FRMD3: variants seen among roughly 807,000 people sequenced by gnomAD.
FRMD3 encodes FERM domain containing 3.
A neutral mutation model predicts 70.2 loss-of-function variants in FRMD3; 33 were observed. The observed-to-expected ratio is 0.47, with a 90% CI of 0.36 to 0.63. The LOEUF (loss-of-function observed/expected upper bound fraction) is 0.63, where lower values mean the gene tolerates loss of function less well. Ranked by LOEUF, FRMD3 falls within the 20% of genes least tolerant of loss-of-function variation. The pLI, the probability that FRMD3 is intolerant of heterozygous loss-of-function variation, is 0.00. For synonymous variants in FRMD3, 279 were observed against 255.9 expected (o/e 1.09, Z -0.86); for missense variants, 632 against 711.4 (o/e 0.89, Z 1.27).
chr9:83,519,585 G>GCA, intron 1 of FRMD3, among the ~76,000 whole-genome samples: 1 of 152,192 alleles, frequency 6.6e-6, no homozygotes, highest in African/African-American at 2.4e-5. Flanking sequence ...ACAGTGTGAT[G>GCA]ATTCCTCAAG....
intron 1 of FRMD3, among the ~76,000 whole-genome samples, chr9:83,515,388 T>C (rs1385624085): frequency 6.6e-6 from 1 of 152,092 alleles, no homozygotes; most frequent in Admixed American, 6.5e-5. Flanking sequence ...AAGATCAATT[T>C]AATGAAATAA....
At chr9:83,531,625 C>T (rs1829793623) in intron 1 of FRMD3, among the ~76,000 whole-genome samples, 1 of 152,176 alleles carries the variant, frequency 6.6e-6, no homozygotes, top group South Asian at 2.1e-4. Flanking sequence ...TCCTTACTAG[C>T]AGAAAACTGT....
chr9:83,277,800 C>T (rs1833840678), intron 13 of FRMD3, among the ~76,000 whole-genome samples: 1 of 152,176 alleles, frequency 6.6e-6, no homozygotes, highest in Non-Finnish European at 1.5e-5. Context: ...CATTTAGAAT[C>T]CATACATTCA....
At chr9:83,301,544 A>G (rs1834929346) in intron 10 of FRMD3, among the ~76,000 whole-genome samples, 1 of 148,530 alleles carries the variant, frequency 6.7e-6, no homozygotes, top group African/African-American at 2.5e-5. Context: ...AAAAAGATTG[A>G]GTTTCTTAAT....
downstream of FRMD3, chr9:83,243,193 T>G: frequency 6.5e-7 from 1 of 1,550,232 alleles, no homozygotes; most frequent in East Asian, 2.4e-5. Context: ...CAGGTTCTGC[T>G]GGGTCTGTTT....
chr9:83,532,108 T>G (rs573013412), intron 1 of FRMD3, among the ~76,000 whole-genome samples: 45 of 152,336 alleles, frequency 3.0e-4, no homozygotes, highest in Non-Finnish European at 1.0e-4. Flanking sequence ...CATATAATCC[T>G]TATTTAATCC....
chr9:83,367,806 G>C (rs1304675255), intron 3 of FRMD3, among the ~76,000 whole-genome samples: 2 of 152,172 alleles, frequency 1.3e-5, no homozygotes, highest in Non-Finnish European at 2.9e-5. Flanking sequence ...TTGAGGAAGA[G>C]ATCTATTTCA....
At position 83,458,621 on chromosome 9, in the gene FRMD3, C is replaced by T. The variant is rs560741935; in HGVS notation, c.148-68913G>A. 4.6e-5 allele frequency among the ~76,000 whole-genome samples: 7 copies of T among 152,292 alleles called. No individual in the cohort carries two copies. The South Asian group carries it at 6.2e-4, about 14-fold the overall frequency. On this transcript the variant is annotated intron_variant, in intron 1 of 13. Coordinates refer to ENST00000304195, the MANE Select transcript of FRMD3 (RefSeq NM_174938.6). ...CATCAGCTACAAAGCCTGTGACAGG[C>T]GGACTGGTCCTAAGGATGCCCTGCA...
chr9:83,374,754 T>C (rs1160649990), intron 2 of FRMD3, among the ~76,000 whole-genome samples: 5 of 152,206 alleles, frequency 3.3e-5, no homozygotes, highest in Non-Finnish European at 1.5e-5. Flanking sequence ...TTCTTATTAT[T>C]TAATAGGTAC....
At chr9:83,282,351 C>T (rs1013101335) in intron 13 of FRMD3, among the ~76,000 whole-genome samples, 3 of 152,148 alleles carry the variant, frequency 2.0e-5, no homozygotes, top group Non-Finnish European at 4.4e-5. Flanking sequence ...CTTTTATCAT[C>T]GTCTAAAACG....
At chr9:83,265,212 A>T (rs4418413) in intron 13 of FRMD3, among the ~76,000 whole-genome samples, 81,044 of 151,552 alleles carry the variant, frequency 0.53, 23,997 homozygotes, top group South Asian at 0.79. Flanking sequence ...CATCCTGGCT[A>T]ACACGGTGAA....
At chr9:83,529,500 C>G (rs140311206) in intron 1 of FRMD3, among the ~76,000 whole-genome samples, 1 of 152,124 alleles carries the variant, frequency 6.6e-6, no homozygotes, top group Non-Finnish European at 1.5e-5. Flanking sequence ...AACTATGTAT[C>G]AATTTTAAAA....
chr9:83,353,288 AG>A (rs35834224), intron 3 of FRMD3, among the ~76,000 whole-genome samples: 6 of 123,574 alleles, frequency 4.9e-5, no homozygotes, highest in Admixed American at 2.7e-4. Flanking sequence ...GGGGTGGGGG[AG>A]GGGGGGCACT....
chr9:83,420,594 CA>C (rs1188921357), intron 1 of FRMD3, among the ~76,000 whole-genome samples: 2 of 152,082 alleles, frequency 1.3e-5, no homozygotes, highest in Non-Finnish European at 2.9e-5. Flanking sequence ...TTTTTATTAT[CA>C]TTGATATGGT....
intron 1 of FRMD3, among the ~76,000 whole-genome samples, chr9:83,460,697 C>T (rs1827944161): frequency 6.6e-6 from 1 of 152,022 alleles, no homozygotes; most frequent in Non-Finnish European, 1.5e-5. Flanking sequence ...GTCAAATATA[C>T]CAAAAAGGTA....
At chr9:83,288,848 T>C (rs1834314762) in intron 13 of FRMD3, among the ~76,000 whole-genome samples, 1 of 152,206 alleles carries the variant, frequency 6.6e-6, no homozygotes. Context: ...ATGAAGAGTA[T>C]GGAAGAAAGT....
At chr9:83,443,312 C>G (rs1827358524) in intron 1 of FRMD3, among the ~76,000 whole-genome samples, 1 of 152,114 alleles carries the variant, frequency 6.6e-6, no homozygotes, top group African/African-American at 2.4e-5. Flanking sequence ...CACAACAGGC[C>G]CCAGTATGTG....
At chr9:83,353,288 A>AGGGGGGG (rs35834224) in intron 3 of FRMD3, among the ~76,000 whole-genome samples, 1 of 123,484 alleles carries the variant, frequency 8.1e-6, no homozygotes, top group Non-Finnish European at 1.7e-5. Flanking sequence ...GGGGTGGGGG[A>AGGGGGGG]GGGGGGGCAC....
intron 2 of FRMD3, among the ~76,000 whole-genome samples, chr9:83,380,384 G>A (rs775959356): frequency 6.6e-6 from 1 of 152,136 alleles, no homozygotes; most frequent in Non-Finnish European, 1.5e-5. Flanking sequence ...GTGGGAGGCC[G>A]ATTCCAGAAC....
Sources: gnomAD v4.1 joint callset for allele counts (sites outside exome capture counted in the v4.1 genomes callset) on GRCh38, gnomAD v4.1.1 for gene constraint, MANE v1.5 for transcripts, NCBI Gene and HGNC (gene_info 2026-07-23, HGNC 2026-07-21) for gene names.